AGAP1: variants seen among roughly 807,000 people sequenced by gnomAD.
AGAP1 encodes the protein arf-GAP with GTPase, ANK repeat and PH domain-containing protein 1.
In AGAP1, 29 loss-of-function variants were observed where a neutral mutation model predicts 105.3. The ratio of observed to expected loss-of-function variants is 0.28; its 90% confidence interval spans 0.21 to 0.38. The LOEUF (loss-of-function observed/expected upper bound fraction) is 0.38. Ranked by LOEUF, AGAP1 falls within the 10% of genes least tolerant of loss-of-function variation. AGAP1 has a pLI of 1.00. For synonymous variants in AGAP1, 509 were observed against 485.9 expected (o/e 1.05, Z -0.63); for missense variants, 998 against 1,165.1 (o/e 0.86, Z 2.09).
chr2:235,868,448 G>A (rs773358998), intron 9 of AGAP1, among the ~76,000 whole-genome samples: 5 of 152,122 alleles, frequency 3.3e-5, no homozygotes, highest in East Asian at 1.9e-4. Context: ...GGTTGTGGAC[G>A]TGCCTGTTGA....
rs1559350548 is a variant in AGAP1 at position 235,686,630 on chromosome 2, TATATATATATATATAG to T, written c.164-22533_164-22518del. Among the ~76,000 whole-genome samples, 230 of 48,366 alleles carry T rather than the reference TATATATATATATATAG, an allele frequency of 4.8e-3. 3 individuals are homozygous for T. The highest frequency in any genetic ancestry group is 0.02 in the African/African-American group (198 of 9,762). The allele number at this position is 48,366 out of a possible 152,430, so 31.7% of individuals were successfully genotyped here. On this transcript the variant is annotated intron_variant, in intron 1 of 17. Coordinates refer to ENST00000304032, the MANE Select transcript of AGAP1 (RefSeq NM_001037131.3). ...ATACGTGGAGATATAGATATATATA[TATATATATATATATAG>T]ATATATATATATATATATATTTTTT...
rs938053156 is a variant in AGAP1, at chr2:236,128,713, G to A, written c.*4591G>A. ...GAAATGAGAGGAAATCCACATTCCTGCCCCAGGAGGTGGGAAGCCTGGCAA... is the reference window on the plus strand; with the variant it reads ...GAAATGAGAGGAAATCCACATTCCTACCCCAGGAGGTGGGAAGCCTGGCAA... On this transcript the variant is annotated 3_prime_UTR_variant, in exon 18 of 18. Coordinates refer to ENST00000304032, the MANE Select transcript of AGAP1 (RefSeq NM_001037131.3). This position sits in a 1 kb window ranked among gnomAD's most constrained non-coding sequence, Gnocchi z 5.9. 1 of 152,230 alleles carries A rather than the reference G, an allele frequency of 6.6e-6. No individual in the cohort carries two copies. The highest frequency in any genetic ancestry group is 2.4e-5 in the African/African-American group (1 of 41,434). 9.4% of individuals were successfully genotyped at this position (152,230 alleles called of 1,614,324 possible). A position where few individuals can be genotyped will look rare whatever the true frequency, so the allele number is the denominator to read the frequency against.
In AGAP1 at chr2:235,600,489, T is replaced by C. The variant is rs1169615209; in HGVS notation, c.163+105640T>C. On this transcript the variant is annotated intron_variant, in intron 1 of 17. Coordinates refer to ENST00000304032, the MANE Select transcript of AGAP1 (RefSeq NM_001037131.3). This position sits in a 1 kb window ranked among gnomAD's most constrained non-coding sequence, Gnocchi z 4.8. ...GCTGGATTAGGGTTCTCTAGAGGGA[T>C]GGAACCAATAGGCCAGATATGTAAT... 6.6e-6 allele frequency among the ~76,000 whole-genome samples: 1 copy of C among 152,120 alleles called. No individual in the cohort carries two copies. The highest frequency in any genetic ancestry group is 1.5e-5 in the Non-Finnish European group (1 of 68,020).
intron 13 of AGAP1, among the ~76,000 whole-genome samples, chr2:236,008,135 A>T (rs1283362773): frequency 1.3e-5 from 2 of 152,222 alleles, no homozygotes; most frequent in African/African-American, 4.8e-5. Flanking sequence ...GTGCAGCCGA[A>T]TAACTAGACC....
Position 236,096,827 on chromosome 2 carries a change from A to C in AGAP1, c.2115-23365A>C, listed in dbSNP as rs2059203692. Among the ~76,000 whole-genome samples, 1 of 151,622 alleles carries C rather than the reference A, an allele frequency of 6.6e-6. No homozygotes were observed. The highest frequency in any genetic ancestry group is 2.4e-5 in the African/African-American group (1 of 41,220). ...TCGAGCTCCCAACCTCAAGTGATTC[A>C]CCCCGGCCTCCCAAAGTGCTGGGAT... On this transcript the variant is annotated intron_variant, in intron 16 of 17. Transcript: ENST00000304032. The surrounding 1 kb of genome is among the most constrained non-coding windows in gnomAD (Gnocchi z 4.4).
rs2049147427 is a variant in AGAP1, at chr2:235,865,937, C to G, written c.1051-17408C>G. On this transcript the variant is annotated intron_variant, in intron 9 of 17. Transcript: ENST00000304032. The surrounding 1 kb of genome is among the most constrained non-coding windows in gnomAD (Gnocchi z 6.2). ...TGTTTTTGCACACAACGAATGATTTCTATGTTATCGATTTACTTCTTTCAC... is the reference window on the plus strand; with the variant it reads ...TGTTTTTGCACACAACGAATGATTTGTATGTTATCGATTTACTTCTTTCAC... Among the ~76,000 whole-genome samples the G allele has an allele frequency of 6.6e-6, 1 of 152,202 alleles. No individual in the cohort carries two copies. Among genetic ancestry groups the G allele is most frequent in the Non-Finnish European group, 1.5e-5 (1 of 68,038 alleles).
At chr2:236,086,076 A>G (rs1321938304) in intron 16 of AGAP1, among the ~76,000 whole-genome samples, 1 of 152,058 alleles carries the variant, frequency 6.6e-6, no homozygotes, top group African/African-American at 2.4e-5. Flanking sequence ...TCCTTTTCCT[A>G]CTGCCCTTTT....
rs1425477774 is a variant in AGAP1 at position 235,967,232 on chromosome 2, A to G, written c.1484-1230A>G. Among the ~76,000 whole-genome samples the G allele has an allele frequency of 1.3e-5, 2 of 151,886 alleles. No homozygotes were observed. The highest frequency in any genetic ancestry group is 4.8e-5 in the African/African-American group (2 of 41,316). Reference sequence around the variant, plus strand: ...AGGCTCTGACTGTTTCTCTGCTCTCATTACCTTCTCACTCCTCTGCCATTT... The same window carrying G: ...AGGCTCTGACTGTTTCTCTGCTCTCGTTACCTTCTCACTCCTCTGCCATTT... On this transcript the variant is annotated intron_variant, in intron 12 of 17. Coordinates refer to ENST00000304032, the MANE Select transcript of AGAP1 (RefSeq NM_001037131.3). The surrounding 1 kb of genome is among the most constrained non-coding windows in gnomAD (Gnocchi z 4.7).
At chr2:235,591,257 G>A (rs573110489) in intron 1 of AGAP1, among the ~76,000 whole-genome samples, 3 of 151,914 alleles carry the variant, frequency 2.0e-5, no homozygotes, top group African/African-American at 7.2e-5. Flanking sequence ...CTCAGGTGAT[G>A]CATCCGCCTC....
Position 235,732,092 on chromosome 2 carries a change from CTTT to C in AGAP1, c.311-8869_311-8867del, listed in dbSNP as rs1951983318. Among the ~76,000 whole-genome samples, 1 of 152,168 alleles carries C rather than the reference CTTT, an allele frequency of 6.6e-6. No homozygotes were observed. Among genetic ancestry groups the C allele is most frequent in the Non-Finnish European group, 1.5e-5 (1 of 68,034 alleles). On this transcript the variant is annotated intron_variant, in intron 3 of 17. Transcript: ENST00000304032. This position sits in a 1 kb window ranked among gnomAD's most constrained non-coding sequence, Gnocchi z 4.8. ...ACATTTTCCTGGTGTATCGCGTGCACTTTTGATCTGCGGATTCAGATCTTTCTG... is the reference window on the plus strand; with the variant it reads ...ACATTTTCCTGGTGTATCGCGTGCACTGATCTGCGGATTCAGATCTTTCTG...
Position 235,705,135 on chromosome 2 carries a change from C to T in AGAP1, c.164-4044C>T, listed in dbSNP as rs1234897819. Among the ~76,000 whole-genome samples the T allele has an allele frequency of 3.9e-5, 6 of 151,988 alleles. No individual in the cohort carries two copies. The highest frequency in any genetic ancestry group is 4.8e-5 in the African/African-American group (2 of 41,398). ...CTGGGATTACAATCATGTGCCACCACGCCTGGCTAATTTTTGTATTTTTAG... is the reference window on the plus strand; with the variant it reads ...CTGGGATTACAATCATGTGCCACCATGCCTGGCTAATTTTTGTATTTTTAG... On this transcript the variant is annotated intron_variant, in intron 1 of 17. Transcript: ENST00000304032. The surrounding 1 kb of genome is among the most constrained non-coding windows in gnomAD (Gnocchi z 4.9).
chr2:235,590,171 G>A (rs1006760974), intron 1 of AGAP1, among the ~76,000 whole-genome samples: 5 of 152,142 alleles, frequency 3.3e-5, no homozygotes, highest in East Asian at 1.9e-4. Flanking sequence ...GTGAGCCACC[G>A]CGCCCGGCCC....
At chr2:236,023,855 A>G (rs1217431553) in intron 13 of AGAP1, among the ~76,000 whole-genome samples, 1 of 152,122 alleles carries the variant, frequency 6.6e-6, no homozygotes, top group African/African-American at 2.4e-5. Context: ...ATTTCAGGCT[A>G]TAGGGCACCC....
chr2:235,786,174 A>G (rs533670813), intron 6 of AGAP1, among the ~76,000 whole-genome samples: 110 of 152,378 alleles, frequency 7.2e-4, no homozygotes, highest in African/African-American at 2.6e-3. Context: ...TTGCCAATTT[A>G]CTGGGATATT....
intron 9 of AGAP1, among the ~76,000 whole-genome samples, chr2:235,810,207 A>T (rs1253750387): frequency 1.3e-5 from 2 of 152,230 alleles, no homozygotes; most frequent in Admixed American, 6.5e-5. Flanking sequence ...TTCTCCAGGG[A>T]TAACACAGCC....
rs905155804 is a variant in AGAP1 at position 236,123,365 on chromosome 2, G to T, written c.2371-554G>T. Among the ~76,000 whole-genome samples the T allele has an allele frequency of 3.3e-5, 5 of 152,088 alleles. No individual in the cohort carries two copies. Among genetic ancestry groups the T allele is most frequent in the Non-Finnish European group, 7.4e-5 (5 of 68,022 alleles). ...GTTGTGCTTCTGAGTAATTTTTAAT[G>T]ATGTAAGAAAATGATCACAGTATAG... On this transcript the variant is annotated intron_variant, in intron 17 of 17. Transcript: ENST00000304032. This position sits in a 1 kb window ranked among gnomAD's most constrained non-coding sequence, Gnocchi z 4.6.
chr2:235,850,068 C>T (rs1032845588), intron 9 of AGAP1, among the ~76,000 whole-genome samples: 3 of 152,218 alleles, frequency 2.0e-5, no homozygotes, highest in African/African-American at 7.2e-5. Context: ...GCCTTTCCCA[C>T]CCACCCCACG....
At chr2:235,693,544 C>A (rs1949847341) in intron 1 of AGAP1, among the ~76,000 whole-genome samples, 2 of 152,168 alleles carry the variant, frequency 1.3e-5, no homozygotes, top group Admixed American at 1.3e-4. Flanking sequence ...CATGCGAAGG[C>A]ATTGCGGAAA....
At chr2:235,558,625 G>A (rs887983446) in intron 1 of AGAP1, among the ~76,000 whole-genome samples, 6 of 152,290 alleles carry the variant, frequency 3.9e-5, no homozygotes, top group South Asian at 4.1e-4. Flanking sequence ...TGAGTTCCAG[G>A]AAGCTGAGTC....
Sources: gnomAD v4.1 joint callset for allele counts (sites outside exome capture counted in the v4.1 genomes callset) on GRCh38, gnomAD v4.1.1 for gene constraint, Gnocchi (gnomAD v3.1) non-coding constraint, MANE v1.5 for transcripts, NCBI Gene and HGNC (gene_info 2026-07-23, HGNC 2026-07-21) for gene names.